The following CERS6 variants were observed in gnomAD, a reference collection of about 807,000 sequenced individuals.
CERS6 encodes the protein ceramide synthase 6, also known as LAG1 homolog, ceramide synthase 6.
A neutral mutation model predicts 56.8 loss-of-function variants in CERS6; 26 were observed. The observed-to-expected ratio is 0.46, with a 90% CI of 0.34 to 0.63. CERS6 has a LOEUF of 0.63. Among genes scored for constraint, CERS6 ranks in the 30% least tolerant of loss-of-function variants. CERS6 has a pLI of 0.01. For missense variants in CERS6, 415 were observed against 467.5 expected (o/e 0.89, Z 1.04); for synonymous variants, 164 against 173.3 (o/e 0.95, Z 0.42).
intron 1 of CERS6, among the ~76,000 whole-genome samples, chr2:168,503,424 AGAG>A (rs1255079723): frequency 1.3e-5 from 2 of 152,222 alleles, no homozygotes; most frequent in Admixed American, 6.5e-5. Context: ...TTAGGTTACA[AGAG>A]GAGGAGAAGA....
At position 168,547,610 on chromosome 2, in the gene CERS6, C is replaced by T. The variant is rs146638314; in HGVS notation, c.185C>T (p.Pro62Leu). 5.6e-6 allele frequency: 9 copies of T among 1,612,804 alleles called. No homozygotes were observed. Among genetic ancestry groups the T allele is most frequent in the East Asian group, 4.5e-5 (2 of 44,868 alleles). ...GTAATTTTTAGATTTGTAGCCAAAC[C>T]GTGCGCCATAGCCCTCAACATTCAG... is the stretch of plus-strand genomic sequence containing the variant. ...RLIFERFVAK[P>L]CAIALNIQAN... Residue 62 changes from proline (P) to leucine (L), a missense_variant, in exon 2 of 10, where the codon CCG (proline) becomes CTG (leucine). Pro to Leu is a moderately conservative substitution (Grantham distance 98). Coordinates refer to ENST00000305747, the MANE Select transcript of CERS6 (RefSeq NM_203463.3).
intron 8 of CERS6, among the ~76,000 whole-genome samples, chr2:168,746,174 A>C (rs6433090): frequency 0.73 from 111,378 of 152,086 alleles, 41,364 homozygotes; most frequent in African/African-American, 0.83. Context: ...CCCCTCTTGC[A>C]TGGGCCCATG....
intron 1 of CERS6, among the ~76,000 whole-genome samples, chr2:168,466,738 G>T (rs73018538): frequency 0.051 from 7,700 of 152,032 alleles, 264 homozygotes; most frequent in Admixed American, 0.1. Context: ...GCTTCTCTTG[G>T]ACCACTCCTG....
chr2:168,743,588 C>T (rs1033452586), intron 8 of CERS6, among the ~76,000 whole-genome samples: 2 of 152,164 alleles, frequency 1.3e-5, no homozygotes, highest in Non-Finnish European at 2.9e-5. Context: ...AAAAACTTGA[C>T]ATGAAAATAT....
In CERS6 at chr2:168,673,380, A is replaced by G. The variant is rs1408458311; in HGVS notation, c.466-17654A>G. ...AATATTATCAGTGATTCAAAAGTCT[A>G]AATTACACTGGATAAATTGGGTTAT... is the stretch of plus-strand genomic sequence containing the variant. On this transcript the variant is annotated intron_variant, in intron 4 of 9. Coordinates refer to ENST00000305747, the MANE Select transcript of CERS6 (RefSeq NM_203463.3). Among the ~76,000 whole-genome samples the G allele has an allele frequency of 4.6e-5, 7 of 152,320 alleles. No individual in the cohort carries two copies. The South Asian group carries it at 6.2e-4, about 14-fold the overall frequency.
At position 168,505,061 on chromosome 2, in the gene CERS6, G is replaced by A. The variant is rs1355809932; in HGVS notation, c.171-42535G>A. ...TTCTGAAGGAGAGACCTGCAGAATG[G>A]TATCTCCCTAATGAGAAAAAGAAAT... On this transcript the variant is annotated intron_variant, in intron 1 of 9. Transcript: ENST00000305747. Among the ~76,000 whole-genome samples the A allele has an allele frequency of 2.0e-5, 3 of 152,016 alleles. No homozygotes were observed. In the East Asian group the frequency reaches 5.8e-4, roughly 29 times the overall value.
Position 168,772,195 on chromosome 2 carries a change from T to TTAAC in CERS6, c.*2534_*2535insAACT, listed in dbSNP as rs2105475546. ...ACTATAGGTTAGTCAGAATGCTGTTTTTCGTTAATTAACTTAGCCTGTGTT... is the reference window on the plus strand; with the variant it reads ...ACTATAGGTTAGTCAGAATGCTGTTTTAACTTCGTTAATTAACTTAGCCTGTGTT... On this transcript the variant is annotated 3_prime_UTR_variant, in exon 10 of 10. Transcript: ENST00000305747. 1 of 152,352 alleles carries TTAAC rather than the reference T, an allele frequency of 6.6e-6. No individual in the cohort carries two copies. Among genetic ancestry groups the TTAAC allele is most frequent in the Admixed American group, 6.5e-5 (1 of 15,292 alleles). The allele number at this position is 152,352 out of a possible 1,614,324, so 9.4% of individuals were successfully genotyped here.
At chr2:168,538,905 A>C (rs913472839) in intron 1 of CERS6, among the ~76,000 whole-genome samples, 16 of 152,084 alleles carry the variant, frequency 1.1e-4, no homozygotes, top group Admixed American at 6.5e-4. Flanking sequence ...TATCACAAGT[A>C]TTTTAACAAT....
chr2:168,464,687 A>G (rs1167096806), intron 1 of CERS6, among the ~76,000 whole-genome samples: 1 of 148,554 alleles, frequency 6.7e-6, no homozygotes, highest in Non-Finnish European at 1.5e-5. Flanking sequence ...AAAGAGGGAT[A>G]GAGCCTAAAT....
chr2:168,510,324 G>T (rs1027448873), intron 1 of CERS6, among the ~76,000 whole-genome samples: 1 of 152,176 alleles, frequency 6.6e-6, no homozygotes, highest in East Asian at 1.9e-4. Context: ...TCCATTCATG[G>T]TAAGTGCCCT....
intron 3 of CERS6, among the ~76,000 whole-genome samples, chr2:168,630,303 C>T (rs914046205): frequency 0.033 from 76 of 2,332 alleles, no homozygotes; most frequent in African/African-American, 0.037. Context: ...AATAAGTATA[C>T]ACACACACAC....
intron 1 of CERS6, among the ~76,000 whole-genome samples, chr2:168,527,704 T>C (rs1695094898): frequency 6.6e-6 from 1 of 152,082 alleles, no homozygotes; most frequent in African/African-American, 2.4e-5. Context: ...AGTGAACTCA[T>C]TTCCTTGAGG....
At chr2:168,765,831 T>A in intron 9 of CERS6, 83 bp downstream of exon 9, 1 of 1,231,846 alleles carries the variant, frequency 8.1e-7, no homozygotes, top group Non-Finnish European at 1.1e-6. Context: ...TACTATTCCA[T>A]ATTTCATCAA....
chr2:168,754,666 G>A (rs1293410120), intron 8 of CERS6, among the ~76,000 whole-genome samples: 3 of 152,210 alleles, frequency 2.0e-5, no homozygotes, highest in Non-Finnish European at 4.4e-5. Context: ...GCAGCAGAGG[G>A]AAGCATTCTT....
At chr2:168,608,009 G>A (rs931473771) in intron 3 of CERS6, among the ~76,000 whole-genome samples, 1 of 152,188 alleles carries the variant, frequency 6.6e-6, no homozygotes, top group African/African-American at 2.4e-5. Flanking sequence ...TCCCTGTGGA[G>A]CAAACAGAGC....
In CERS6 at chr2:168,686,987, A is replaced by G. The variant is rs2105356665; in HGVS notation, c.466-4047A>G. On this transcript the variant is annotated intron_variant, in intron 4 of 9. Transcript: ENST00000305747. Reference sequence around the variant, plus strand: ...TCAGGGCTGGTGGGAGACTTCTGATACCAGACTCCATAGAAACTTCCATTT... The same window carrying G: ...TCAGGGCTGGTGGGAGACTTCTGATGCCAGACTCCATAGAAACTTCCATTT... 2.0e-5 allele frequency among the ~76,000 whole-genome samples: 3 copies of G among 152,334 alleles called. No homozygotes were observed. The Middle Eastern group carries it at 0.01, about 518-fold the overall frequency.
intron 1 of CERS6, among the ~76,000 whole-genome samples, chr2:168,523,713 A>T (rs927704375): frequency 1.3e-5 from 2 of 152,116 alleles, no homozygotes; most frequent in Non-Finnish European, 2.9e-5. Context: ...AGAGGCGTGG[A>T]GGTTCAAGAA....
intron 4 of CERS6, among the ~76,000 whole-genome samples, chr2:168,647,326 G>A (rs1685229145): frequency 6.6e-6 from 1 of 152,138 alleles, no homozygotes; most frequent in South Asian, 2.1e-4. Flanking sequence ...TGGCTTGACT[G>A]TTGTTGGTGT....
chr2:168,524,618 G>T (rs995871044), intron 1 of CERS6, among the ~76,000 whole-genome samples: 1 of 152,146 alleles, frequency 6.6e-6, no homozygotes, highest in African/African-American at 2.4e-5. Flanking sequence ...CACTCAGGGG[G>T]TTGGGATGAG....
Sources: gnomAD v4.1 joint callset for allele counts (sites outside exome capture counted in the v4.1 genomes callset) on GRCh38, gnomAD v4.1.1 for gene constraint, MANE v1.5 for transcripts, NCBI Gene and HGNC (gene_info 2026-07-23, HGNC 2026-07-21) for gene names.